PTPRD: variants seen among roughly 807,000 people sequenced by gnomAD.
PTPRD encodes the protein receptor-type tyrosine-protein phosphatase delta.
PTPRD carries 34 observed loss-of-function variants against 214.5 expected under a neutral mutation model. That is an observed-to-expected ratio of 0.16 (90% CI 0.12 to 0.21). The LOEUF (loss-of-function observed/expected upper bound fraction) is 0.21, where lower values mean the gene tolerates loss of function less well. Among genes scored for constraint, PTPRD ranks in the 10% least tolerant of loss-of-function variants. PTPRD has a pLI of 1.00. For missense variants in PTPRD, 2,545 were observed against 2,398.7 expected, an observed-to-expected ratio of 1.06 and a Z score of -1.27; for synonymous variants, 1,128 against 845.7, an observed-to-expected ratio of 1.33 and a Z score of -5.79.
intron 3 of PTPRD, among the ~76,000 whole-genome samples, chr9:10,323,675 T>C (rs758758992): frequency 8.6e-5 from 13 of 151,896 alleles, no homozygotes; most frequent in Admixed American, 5.9e-4. Context: ...TGATAATAAA[T>C]GTCATCTGTT....
chr9:9,849,712 G>A (rs2060188716), intron 5 of PTPRD, among the ~76,000 whole-genome samples: 1 of 152,056 alleles, frequency 6.6e-6, no homozygotes. Context: ...CACTGAATCA[G>A]TGCTAAGGAA....
chr9:8,485,814 C>A lies in PTPRD; in HGVS notation c.3003G>T (p.Gly1001=), dbSNP rs772464907. 4 of 1,613,822 alleles carry A rather than the reference C, an allele frequency of 2.5e-6. No individual in the cohort carries two copies. In the African/African-American group the frequency reaches 4.0e-5, roughly 16 times the overall value. ...DVKVRAHTSK[G]PGPYSPSVQF... ...GGACACTGGGACTATATGGCCCGGG[C>A]CCTTTGCTCGTATGAGCACGTACTT... The change falls in exon 28 of 46, where the codon GGG becomes GGT. Residue 1001 remains glycine, a synonymous_variant. Transcript: ENST00000381196.
At chr9:8,529,139 A>T (rs2075019236) in intron 14 of PTPRD, among the ~76,000 whole-genome samples, 1 of 152,086 alleles carries the variant, frequency 6.6e-6, no homozygotes, top group Non-Finnish European at 1.5e-5. Flanking sequence ...ACAATCGGCC[A>T]AGTCACAAAA....
At chr9:9,989,162 T>C (rs933643391) in intron 4 of PTPRD, among the ~76,000 whole-genome samples, 2 of 151,906 alleles carry the variant, frequency 1.3e-5, no homozygotes, top group South Asian at 4.2e-4. Flanking sequence ...CTTACATGTA[T>C]CAACATAGAA....
At chr9:8,853,404 C>T (rs1407324876) in intron 11 of PTPRD, among the ~76,000 whole-genome samples, 1 of 152,030 alleles carries the variant, frequency 6.6e-6, no homozygotes, top group East Asian at 1.9e-4. Flanking sequence ...GAGTTGAAAT[C>T]CATTTTTATT....
intron 2 of PTPRD, among the ~76,000 whole-genome samples, chr9:10,359,082 C>T (rs964611706): frequency 1.3e-5 from 2 of 151,826 alleles, no homozygotes; most frequent in East Asian, 1.9e-4. Flanking sequence ...TGTGGAACAA[C>T]GGTACCAATG....
chr9:9,552,433 A>G (rs1444078532), intron 8 of PTPRD, among the ~76,000 whole-genome samples: 1 of 152,110 alleles, frequency 6.6e-6, no homozygotes, highest in Non-Finnish European at 1.5e-5. Flanking sequence ...GAGCTTTTCA[A>G]TCAAATCTTG....
At chr9:10,478,715 T>C (rs2132036760) in intron 2 of PTPRD, among the ~76,000 whole-genome samples, 1 of 151,680 alleles carries the variant, frequency 6.6e-6, no homozygotes, top group South Asian at 2.1e-4. Flanking sequence ...AGTTACTATA[T>C]TCTGTAATAT....
chr9:10,123,268 T>C lies in PTPRD; in HGVS notation c.-544-89478A>G, dbSNP rs113362973. ...GGGATTTGGCCACCTTTAGACCCAA[T>C]AGACTTTAATTATAAAAATTATCTA... is the stretch of plus-strand genomic sequence containing the variant. On this transcript the variant is annotated intron_variant, in intron 3 of 45. Transcript: ENST00000381196. Among the ~76,000 whole-genome samples, 1,237 of 152,330 alleles carry C rather than the reference T, an allele frequency of 8.1e-3. 28 individuals are homozygous for C. The highest frequency in any genetic ancestry group is 0.028 in the African/African-American group (1,176 of 41,574).
intron 17 of PTPRD, 107 bp downstream of exon 17, chr9:8,526,520 G>C (rs79140700): frequency 1.1e-6 from 1 of 951,106 alleles, no homozygotes. Context: ...AAAAAAAGTT[G>C]ATGGACATTA....
chr9:9,652,749 G>A (rs1030596736), intron 7 of PTPRD, among the ~76,000 whole-genome samples: 2 of 151,438 alleles, frequency 1.3e-5, no homozygotes, highest in African/African-American at 4.9e-5. Flanking sequence ...CAAGTAGCTG[G>A]GATTACAGGT....
chr9:8,444,802 A>G (rs1267877955), intron 34 of PTPRD, among the ~76,000 whole-genome samples: 1 of 152,164 alleles, frequency 6.6e-6, no homozygotes, highest in East Asian at 1.9e-4. Context: ...AGTAATTTGG[A>G]AATTGTTTAT....
chr9:9,927,975 CAT>C (rs2084939639), intron 5 of PTPRD, among the ~76,000 whole-genome samples: 1 of 136,150 alleles, frequency 7.3e-6, no homozygotes. Context: ...GTACAACTAA[CAT>C]AAAACTTGTT....
intron 19 of PTPRD, 87 bp from the exon 20 acceptor site, chr9:8,521,633 G>C (rs1286298749): frequency 7.0e-7 from 1 of 1,421,328 alleles, no homozygotes; most frequent in East Asian, 2.3e-5. Context: ...GTACAGACAC[G>C]ATTCAACAAT....
At chr9:9,731,709 A>G (rs1457862888) in intron 7 of PTPRD, among the ~76,000 whole-genome samples, 1 of 152,210 alleles carries the variant, frequency 6.6e-6, no homozygotes, top group Non-Finnish European at 1.5e-5. Flanking sequence ...TATCACAAGG[A>G]CAAAAAACCG....
chr9:10,452,084 C>T (rs535393590), intron 2 of PTPRD, among the ~76,000 whole-genome samples: 1 of 152,058 alleles, frequency 6.6e-6, no homozygotes, highest in Non-Finnish European at 1.5e-5. Context: ...GTAGAAGAAG[C>T]TTCAAGTTCA....
intron 5 of PTPRD, among the ~76,000 whole-genome samples, chr9:9,922,156 T>G (rs992314793): frequency 9.2e-5 from 14 of 152,060 alleles, no homozygotes; most frequent in Non-Finnish European, 1.9e-4. Context: ...TTGGAAAAAC[T>G]GAGTGCTTTA....
chr9:9,756,050 C>A (rs1432025338), intron 6 of PTPRD, among the ~76,000 whole-genome samples: 1 of 151,968 alleles, frequency 6.6e-6, no homozygotes. Context: ...GAAATGCATT[C>A]CCTCTCATAA....
Position 9,265,252 on chromosome 9 carries a change from T to C in PTPRD, c.-202-81889A>G, listed in dbSNP as rs145898617. Among the ~76,000 whole-genome samples the C allele has an allele frequency of 3.7e-3, 567 of 151,690 alleles. 3 individuals are homozygous for C. Among genetic ancestry groups the C allele is most frequent in the African/African-American group, 0.013 (547 of 41,468 alleles). On this transcript the variant is annotated intron_variant, in intron 9 of 45. Coordinates refer to ENST00000381196, the MANE Select transcript of PTPRD (RefSeq NM_002839.4). The stretch of plus-strand genomic sequence containing the variant: ...AACTTGGTAATGAATATGCAATTTA[T>C]TGACTTGTGTTTATTTATTTATTTT...
Sources: allele counts gnomAD v4.1 joint callset (sites outside exome capture counted in the v4.1 genomes callset), GRCh38; gene constraint gnomAD v4.1.1; transcripts MANE v1.5; gene names NCBI Gene and HGNC (gene_info 2026-07-23, HGNC 2026-07-21).